VPS37A: variants seen among roughly 807,000 people sequenced by gnomAD.
VPS37A encodes the protein VPS37A subunit of ESCRT-I, also known as vacuolar protein sorting-associated protein 37A.
Under a neutral mutation model 49.8 loss-of-function variants are expected in VPS37A, and 30 were observed. The ratio of observed to expected loss-of-function variants is 0.60; its 90% CI spans 0.45 to 0.82. VPS37A has a LOEUF of 0.82. Among genes scored for constraint, VPS37A ranks in the 40% least tolerant of loss-of-function variants. The probability of loss-of-function intolerance (pLI) is 0.00; values close to 1 mark genes in which losing one functional copy is unlikely to be tolerated. For missense variants in VPS37A, 593 were observed against 464.4 expected (o/e 1.28, Z -2.55); for synonymous variants, 195 against 160.6 (o/e 1.21, Z -1.62).
At position 17,289,965 on chromosome 8, in the gene VPS37A, A is replaced by G. The variant is rs535610493; in HGVS notation, c.*3538A>G. Among the ~76,000 whole-genome samples, 115 of 152,278 alleles carry G rather than the reference A, an allele frequency of 7.6e-4. 3 individuals are homozygous for G. The East Asian group carries it at 0.02, about 27-fold the overall frequency. On this transcript the variant is annotated intron_variant, in intron 11 of 11. Coordinates refer to ENST00000324849, the MANE Select transcript of VPS37A (RefSeq NM_152415.3). ...TAGGTATTTTATTCTCTTTGAAGCAATTGTGAATGGGAGTTCACTCATGAT... is the reference window on the plus strand; with the variant it reads ...TAGGTATTTTATTCTCTTTGAAGCAGTTGTGAATGGGAGTTCACTCATGAT...
Position 17,276,398 on chromosome 8 carries a change from C to G in VPS37A, c.644C>G (p.Thr215Arg), listed in dbSNP as rs1027901098. 8 of 1,610,386 alleles carry G rather than the reference C, an allele frequency of 5.0e-6. No individual in the cohort carries two copies. In the East Asian group the frequency reaches 8.9e-5, roughly 18 times the overall value. Residue 215 changes from threonine to arginine, a missense_variant and splice_region_variant, in exon 6 of 12, where the codon ACA becomes AGA. By Grantham distance (71) the Thr-to-Arg change is moderately conservative. Transcript: ENST00000324849. ...PIPTVDASIP[T>R]SQNGFGYKMP... ...ATATCATTTAAAACTTTTCTTTAGACAAGCCAAAATGGTTTTGGGTACAAG... is the reference window on the plus strand; with the variant it reads ...ATATCATTTAAAACTTTTCTTTAGAGAAGCCAAAATGGTTTTGGGTACAAG...
intron 4 of VPS37A, among the ~76,000 whole-genome samples, chr8:17,270,345 A>C (rs915351401): frequency 1.3e-5 from 2 of 152,092 alleles, no homozygotes; most frequent in African/African-American, 4.8e-5. Context: ...GCGATAACTC[A>C]TTTTTGCTCC....
intron 1 of VPS37A, among the ~76,000 whole-genome samples, chr8:17,264,903 ATATATG>A (rs1813301930): frequency 6.6e-6 from 1 of 152,206 alleles, no homozygotes. Flanking sequence ...AGTTGTAATA[ATATATG>A]CCTGCAAATA....
At chr8:17,263,912 G>T (rs1376165288) in intron 1 of VPS37A, among the ~76,000 whole-genome samples, 1 of 152,162 alleles carries the variant, frequency 6.6e-6, no homozygotes, top group African/African-American at 2.4e-5. Context: ...CCACACTCCA[G>T]CCTGGGCAAC....
intron 9 of VPS37A, among the ~76,000 whole-genome samples, chr8:17,282,802 C>G (rs1427834845): frequency 6.6e-6 from 1 of 152,046 alleles, no homozygotes; most frequent in African/African-American, 2.4e-5. Context: ...TAGATGTTCT[C>G]AGTCAAAATT....
chr8:17,325,539 C>T, the VPS37A span, among the ~76,000 whole-genome samples: 1 of 152,182 alleles, frequency 6.6e-6, no homozygotes. Context: ...TGCTTGGCCC[C>T]CTTTCATTCA....
chr8:17,331,014 A>G, the VPS37A span: 1 of 1,051,446 alleles, frequency 9.5e-7, no homozygotes, highest in South Asian at 1.7e-5. Flanking sequence ...AGTGTTTAAA[A>G]AGCCACTGTA....
the VPS37A span, chr8:17,331,230 T>C: frequency 3.7e-6 from 6 of 1,612,566 alleles, no homozygotes; most frequent in South Asian, 2.2e-5. Flanking sequence ...ATTGGAATAA[T>C]TGTCTTCATT....
At chr8:17,312,469 G>C in the VPS37A span, among the ~76,000 whole-genome samples, 1 of 151,250 alleles carries the variant, frequency 6.6e-6, no homozygotes, top group East Asian at 2.0e-4. Context: ...CAGCTACTTG[G>C]GAGGCTGAGA....
chr8:17,331,308 G>A, the VPS37A span: 7 of 1,557,252 alleles, frequency 4.5e-6, no homozygotes, highest in East Asian at 9.2e-5. Context: ...AAACAGAACA[G>A]TCATCAATTA....
At chr8:17,287,693 C>G (rs545851438) in intron 11 of VPS37A, among the ~76,000 whole-genome samples, 37 of 151,528 alleles carry the variant, frequency 2.4e-4, no homozygotes, top group African/African-American at 8.7e-4. Context: ...AAAAAAAATT[C>G]TTTTTTCTTA....
chr8:17,261,442 A>G (rs1006310736), intron 1 of VPS37A, among the ~76,000 whole-genome samples: 5 of 152,182 alleles, frequency 3.3e-5, no homozygotes, highest in African/African-American at 7.2e-5. Flanking sequence ...GAGAGCTTAC[A>G]TATTATTATC....
intron 1 of VPS37A, chr8:17,265,706 T>A: frequency 2.1e-6 from 3 of 1,420,126 alleles, no homozygotes; most frequent in Admixed American, 2.0e-5. Context: ...CTGGATAGTT[T>A]AGAATGTTAC....
At chr8:17,318,658 G>A in the VPS37A span, among the ~76,000 whole-genome samples, 9 of 152,304 alleles carry the variant, frequency 5.9e-5, no homozygotes, top group African/African-American at 1.9e-4. Context: ...CTCTTGTCTG[G>A]ATGGTTCCAG....
chr8:17,287,819 G>A (rs1815753644), intron 11 of VPS37A, among the ~76,000 whole-genome samples: 1 of 152,120 alleles, frequency 6.6e-6, no homozygotes, highest in Non-Finnish European at 1.5e-5. Context: ...ACCCAGTATG[G>A]GCAAGCTATC....
chr8:17,324,210 C>G, the VPS37A span, among the ~76,000 whole-genome samples: 664 of 152,316 alleles, frequency 4.4e-3, 5 homozygotes, highest in African/African-American at 0.015. Context: ...GAAGGAAGCA[C>G]TTGTCTATCC....
At chr8:17,286,311 A>G (rs766770258) in intron 10 of VPS37A, 36 bp from the exon 11 acceptor site, 35 of 1,568,904 alleles carry the variant, frequency 2.2e-5, no homozygotes, top group Non-Finnish European at 3.0e-5. Context: ...ATATCTTTGT[A>G]AAAGTGACTG....
chr8:17,326,436 T>C, the VPS37A span: 3 of 152,224 alleles, frequency 2.0e-5, no homozygotes, highest in Non-Finnish European at 4.4e-5. Context: ...ATAATGATCC[T>C]TGCAGTTCAT....
At chr8:17,332,960 TG>T in the VPS37A span, among the ~76,000 whole-genome samples, 9 of 152,170 alleles carry the variant, frequency 5.9e-5, no homozygotes, top group African/African-American at 2.2e-4. Context: ...TGGATGCCCC[TG>T]TAATCTTTCA....
Sources: gnomAD v4.1 joint callset for allele counts (sites outside exome capture counted in the v4.1 genomes callset) on GRCh38, gnomAD v4.1.1 for gene constraint, MANE v1.5 for transcripts, NCBI Gene and HGNC (gene_info 2026-07-23, HGNC 2026-07-21) for gene names.